Variants in DLGAP1 observed in about 807,000 individuals in gnomAD.
The protein encoded by DLGAP1 is DLG associated protein 1.
In DLGAP1, 11 loss-of-function variants were observed where a neutral mutation model predicts 90.8. That is an observed-to-expected ratio of 0.12 (90% CI 0.08 to 0.20). The LOEUF (loss-of-function observed/expected upper bound fraction) is 0.20. Ranked by LOEUF, DLGAP1 falls within the 10% of genes least tolerant of loss-of-function variation. The pLI, the probability that DLGAP1 is intolerant of heterozygous loss-of-function variation, is 1.00. For synonymous variants in DLGAP1, 558 were observed against 540.7 expected (o/e 1.03, Z -0.44); for missense variants, 1,050 against 1,333.8 (o/e 0.79, Z 3.31).
At chr18:3,641,560 C>CAA (rs2058941768) in intron 7 of DLGAP1, among the ~76,000 whole-genome samples, 1 of 127,010 alleles carries the variant, frequency 7.9e-6, no homozygotes, top group African/African-American at 3.2e-5. Flanking sequence ...AAAAAAAGAA[C>CAA]ATAAGACAAT....
chr18:3,717,638 A>T (rs1030565213), intron 7 of DLGAP1, among the ~76,000 whole-genome samples: 1 of 152,222 alleles, frequency 6.6e-6, no homozygotes, highest in Non-Finnish European at 1.5e-5. Flanking sequence ...CTGAAAAAAC[A>T]GTAAAGAATT....
chr18:4,335,675 T>A (rs567648588), intron 1 of DLGAP1, among the ~76,000 whole-genome samples: 1 of 152,330 alleles, frequency 6.6e-6, no homozygotes, highest in East Asian at 1.9e-4. Context: ...TCCAAGCTTA[T>A]GCACTAAACC....
intron 5 of DLGAP1, among the ~76,000 whole-genome samples, chr18:3,785,625 T>G (rs911718014): frequency 7.2e-5 from 11 of 152,092 alleles, no homozygotes; most frequent in African/African-American, 2.7e-4. Context: ...TAAATGGAAT[T>G]TGGATTTTGA....
intron 1 of DLGAP1, among the ~76,000 whole-genome samples, chr18:4,375,710 T>C (rs2082000948): frequency 6.6e-6 from 1 of 152,166 alleles, no homozygotes; most frequent in African/African-American, 2.4e-5. Context: ...GTACACACTA[T>C]GGCAGGGCTC....
At chr18:4,003,264 A>T (rs2074234074) in intron 3 of DLGAP1, among the ~76,000 whole-genome samples, 1 of 152,178 alleles carries the variant, frequency 6.6e-6, no homozygotes, top group African/African-American at 2.4e-5. Context: ...GAGACAGGGA[A>T]GGTGCCATGG....
chr18:4,085,371 C>A (rs533080221), intron 2 of DLGAP1, among the ~76,000 whole-genome samples: 1 of 152,198 alleles, frequency 6.6e-6, no homozygotes, highest in African/African-American at 2.4e-5. Context: ...GAATCTGCTT[C>A]CTTTTCAGCA....
intron 1 of DLGAP1, among the ~76,000 whole-genome samples, chr18:4,192,401 C>T (rs553668015): frequency 6.6e-6 from 1 of 152,196 alleles, no homozygotes; most frequent in East Asian, 1.9e-4. Flanking sequence ...GCAACTCATC[C>T]TTCCTCCCCA....
At position 3,828,396 on chromosome 18, in the gene DLGAP1, T is replaced by C. The variant is rs376854950; in HGVS notation, c.958-14123A>G. 1.9e-4 allele frequency among the ~76,000 whole-genome samples: 29 copies of C among 151,922 alleles called. No individual in the cohort carries two copies. The East Asian group carries it at 3.3e-3, about 17-fold the overall frequency. On this transcript the variant is annotated intron_variant, in intron 4 of 12. Transcript: ENST00000315677. ...GGCTCACGCCTGTAATCCCAACACG[T>C]TGGGAGGCTGAGGCGGGAGGCTTGC... is the stretch of plus-strand genomic sequence containing the variant.
intron 1 of DLGAP1, among the ~76,000 whole-genome samples, chr18:4,205,269 G>C (rs113581567): frequency 3.3e-5 from 5 of 152,290 alleles, no homozygotes; most frequent in African/African-American, 1.2e-4. Context: ...CACATACACA[G>C]TAGGTGAGAA....
chr18:4,008,850 C>T (rs1159873367), intron 2 of DLGAP1, among the ~76,000 whole-genome samples: 1 of 152,224 alleles, frequency 6.6e-6, no homozygotes, highest in Non-Finnish European at 1.5e-5. Flanking sequence ...AGAAGAAATG[C>T]TGCTGCTGAT....
intron 1 of DLGAP1, among the ~76,000 whole-genome samples, chr18:4,442,603 C>CA (rs138716316): frequency 0.31 from 47,554 of 151,846 alleles, 7,712 homozygotes; most frequent in Non-Finnish European, 0.32. Context: ...ACAGAAAGGA[C>CA]AAAGAATGAG....
At chr18:3,915,844 C>T (rs2072130569) in intron 3 of DLGAP1, among the ~76,000 whole-genome samples, 1 of 151,886 alleles carries the variant, frequency 6.6e-6, no homozygotes, top group Non-Finnish European at 1.5e-5. Flanking sequence ...CTGAAGACAT[C>T]TTACTGCTTT....
intron 2 of DLGAP1, among the ~76,000 whole-genome samples, chr18:4,094,128 T>C (rs2075633156): frequency 6.6e-6 from 1 of 152,186 alleles, no homozygotes; most frequent in Non-Finnish European, 1.5e-5. Context: ...TCTACTGTAA[T>C]GACTGGAATT....
chr18:3,583,718 C>A (rs62084022), intron 7 of DLGAP1, among the ~76,000 whole-genome samples: 3 of 151,876 alleles, frequency 2.0e-5, no homozygotes, highest in Non-Finnish European at 4.4e-5. Flanking sequence ...GAGGCCCAGG[C>A]GGGTGGATCA....
rs565364760 is a variant in DLGAP1, at chr18:4,268,371, G to A, written c.-266-117084C>T. 4.0e-4 allele frequency among the ~76,000 whole-genome samples: 61 copies of A among 152,102 alleles called. 1 individual carries two copies. The highest frequency in any genetic ancestry group is 1.3e-3 in the African/African-American group (55 of 41,496). On this transcript the variant is annotated intron_variant, in intron 1 of 12. Transcript: ENST00000315677. ...AGTGTAGTTAAATAGAAAGTATGCCGGGGAAGAAAAAAATAGTGAATAAAA... is the reference window on the plus strand; with the variant it reads ...AGTGTAGTTAAATAGAAAGTATGCCAGGGAAGAAAAAAATAGTGAATAAAA...
intron 3 of DLGAP1, among the ~76,000 whole-genome samples, chr18:3,979,077 T>C (rs2073665330): frequency 6.6e-6 from 1 of 152,178 alleles, no homozygotes; most frequent in African/African-American, 2.4e-5. Flanking sequence ...ATGCTGTCAT[T>C]TGCACAACAT....
intron 3 of DLGAP1, among the ~76,000 whole-genome samples, chr18:3,918,584 G>A (rs2072197495): frequency 1.3e-5 from 2 of 152,162 alleles, no homozygotes; most frequent in African/African-American, 4.8e-5. Context: ...CCCTGGAAAA[G>A]CCATTAAATA....
At chr18:4,048,438 G>A (rs1029567959) in intron 2 of DLGAP1, among the ~76,000 whole-genome samples, 1 of 152,202 alleles carries the variant, frequency 6.6e-6, no homozygotes, top group Non-Finnish European at 1.5e-5. Context: ...CAAGAATGAA[G>A]CTTGCAGTTT....
intron 7 of DLGAP1, among the ~76,000 whole-genome samples, chr18:3,690,541 T>C (rs542647112): frequency 6.6e-6 from 1 of 152,096 alleles, no homozygotes; most frequent in East Asian, 1.9e-4. Context: ...CCCCAAGACC[T>C]CATACTGGCC....
Sources: gnomAD v4.1 joint callset for allele counts (sites outside exome capture counted in the v4.1 genomes callset) on GRCh38, gnomAD v4.1.1 for gene constraint, MANE v1.5 for transcripts, NCBI Gene and HGNC (gene_info 2026-07-23, HGNC 2026-07-21) for gene names.